The following KANK2 variants were observed in gnomAD, a reference collection of about 807,000 sequenced individuals.
KANK2 encodes KN motif and ankyrin repeat domains 2, also known as KN motif and ankyrin repeat domain-containing protein 2.
Under a neutral mutation model 74.6 loss-of-function variants are expected in KANK2, and 41 were observed. The observed-to-expected ratio is 0.55, with a 90% confidence interval of 0.43 to 0.71. The LOEUF (loss-of-function observed/expected upper bound fraction) is 0.71. Ranked by LOEUF, KANK2 falls within the 30% of genes least tolerant of loss-of-function variation. The pLI is 0.00. For synonymous variants in KANK2, 537 were observed against 519.0 expected, an observed-to-expected ratio of 1.03 and a Z score of -0.47; for missense variants, 1,148 against 1,196.4, an observed-to-expected ratio of 0.96 and a Z score of 0.60.
At chr19:11,174,353 G>A in intron 9 of KANK2, 120 bp downstream of exon 9, 1 of 797,534 alleles carries the variant, frequency 1.3e-6, no homozygotes, top group South Asian at 1.6e-5. Context: ...ATACTGAGAA[G>A]GCCGCGTCTC....
rs375041295 is a variant in KANK2 at position 11,174,700 on chromosome 19, C to G, written c.1849-8G>C. ...TGTGGTGTAGGCCACTTTCTGCATGCGAGTCAGGTGGGAGAGGATGTGAGG... is the reference window on the plus strand; with the variant it reads ...TGTGGTGTAGGCCACTTTCTGCATGGGAGTCAGGTGGGAGAGGATGTGAGG... On this transcript the variant is annotated splice_region_variant and splice_polypyrimidine_tract_variant and intron_variant, in intron 8 of 12. Coordinates refer to ENST00000586659, the MANE Select transcript of KANK2 (RefSeq NM_001136191.3). The G allele has an allele frequency of 6.3e-7, 1 of 1,589,118 alleles. No homozygotes were observed. The highest frequency in any genetic ancestry group is 8.6e-7 in the Non-Finnish European group (1 of 1,167,304).
chr19:11,186,388 A>C (rs1337096344), intron 4 of KANK2, among the ~76,000 whole-genome samples: 1 of 148,708 alleles, frequency 6.7e-6, no homozygotes, highest in African/African-American at 2.6e-5. Context: ...ACTCTGTCTC[A>C]ACAAATAAAA....
In KANK2 at chr19:11,170,517, C is replaced by T. The variant is rs1023429531; in HGVS notation, c.2212-269G>A. ...AGGTTTCCTTTGGGGGTGAAGAGAA[C>T]GTTCTGGAACTAGACGGAGGTGTTG... On this transcript the variant is annotated intron_variant, in intron 10 of 12. Transcript: ENST00000586659. This position sits in a 1 kb window ranked among gnomAD's most constrained non-coding sequence, Gnocchi z 5.2. The T allele has an allele frequency of 4.8e-5, 26 of 536,888 alleles. No homozygotes were observed. The highest frequency in any genetic ancestry group is 7.4e-5 in the Non-Finnish European group (22 of 297,856). The allele number at this position is 536,888 out of a possible 1,614,324, so 33.3% of individuals were successfully genotyped here.
Position 11,193,770 on chromosome 19 carries a change from C to T in KANK2, c.310G>A (p.Gly104Ser), listed in dbSNP as rs147297854. Residue 104 changes from glycine to serine, a missense_variant, in exon 4 of 13, where the codon GGC becomes AGC. Transcript: ENST00000586659. This position sits in a 1 kb window ranked among gnomAD's most constrained non-coding sequence, Gnocchi z 9.6. Reference protein sequence around the residue: ...DSRHSAYSYCGRGFYPQYGAL... With the variant: ...DSRHSAYSYCSRGFYPQYGAL... ...CCATACTGAGGGTAGAAGCCACGGC[C>T]GCAGTAGGAATAGGCTGAGTGGCGG... 56 of 1,612,620 alleles carry T rather than the reference C, an allele frequency of 3.5e-5. No individual in the cohort carries two copies. Among genetic ancestry groups the T allele is most frequent in the Non-Finnish European group, 4.3e-5 (51 of 1,179,728 alleles).
rs536578970 is a variant in KANK2 at position 11,176,327 on chromosome 19, G to A, written c.1760+251C>T. On this transcript the variant is annotated intron_variant, in intron 7 of 12. Transcript: ENST00000586659. ...AGAGGAAACGTCCCAAAGTAGGTGG[G>A]TGATTTTGGGATAAACTTTGGCTGG... Among the ~76,000 whole-genome samples the A allele has an allele frequency of 4.6e-5, 7 of 152,314 alleles. No homozygotes were observed. In the East Asian group the frequency reaches 1.2e-3, roughly 25 times the overall value.
In KANK2 at chr19:11,193,575, G is replaced by C. The variant is rs1305790537; in HGVS notation, c.505C>G (p.Pro169Ala). The C allele has an allele frequency of 5.7e-6, 9 of 1,588,994 alleles. No homozygotes were observed. Among genetic ancestry groups the C allele is most frequent in the Non-Finnish European group, 7.7e-6 (9 of 1,169,360 alleles). ...GGTGTGGACAGTCCTGAACTCCGTGGTGTCGGGGGTGGCAACCCCACGCCC... is the reference window on the plus strand; with the variant it reads ...GGTGTGGACAGTCCTGAACTCCGTGCTGTCGGGGGTGGCAACCCCACGCCC... The part of the protein sequence containing the change: ...LVGVGLPPPT[P>A]RSSGLSTPVP... The change falls in exon 4 of 13, where the codon CCA becomes GCA. Residue 169 changes from proline (P) to alanine (A), a missense_variant. By Grantham distance (27) the Pro-to-Ala change is conservative. Transcript: ENST00000586659. This position sits in a 1 kb window ranked among gnomAD's most constrained non-coding sequence, Gnocchi z 9.6.
Position 11,170,066 on chromosome 19 carries a change from G to A in KANK2, c.2394C>T (p.Asp798=). 1 of 1,613,714 alleles carries A rather than the reference G, an allele frequency of 6.2e-7. No individual in the cohort carries two copies. The highest frequency in any genetic ancestry group is 1.1e-5 in the South Asian group (1 of 91,086). The stretch of plus-strand genomic sequence containing the variant: ...GACTCACGCGATCTGTGAGTGAGAT[G>A]TCACAGCTGGGCACGGCCAGCAGCA... The part of the protein sequence containing the change: ...AGLLLAVPSC[D]ISLTDRDGST... Residue 798 remains aspartate (D), a synonymous_variant, in exon 11 of 13, where the codon GAC becomes GAT. Coordinates refer to ENST00000586659, the MANE Select transcript of KANK2 (RefSeq NM_001136191.3). This position sits in a 1 kb window ranked among gnomAD's most constrained non-coding sequence, Gnocchi z 5.2.
intron 4 of KANK2, among the ~76,000 whole-genome samples, chr19:11,182,533 AAAAAC>A (rs2078552146): frequency 1.4e-5 from 2 of 147,150 alleles, no homozygotes; most frequent in African/African-American, 5.0e-5. Flanking sequence ...CTTTAAAAAA[AAAAAC>A]AAAAAAACAA....
chr19:11,193,571 C>G lies in KANK2; in HGVS notation c.509G>C (p.Arg170Pro). Residue 170 changes from arginine to proline, a missense_variant, in exon 4 of 13, where the codon CGG becomes CCG. Physicochemically the swap from Arg to Pro is moderately radical, Grantham distance 103 (BLOSUM62 -2). Coordinates refer to ENST00000586659, the MANE Select transcript of KANK2 (RefSeq NM_001136191.3). The surrounding 1 kb of genome is among the most constrained non-coding windows in gnomAD (Gnocchi z 9.6). ...CACCGGTGTGGACAGTCCTGAACTC[C>G]GTGGTGTCGGGGGTGGCAACCCCAC... ...VGVGLPPPTP[R>P]SSGLSTPVPP... 1.3e-6 allele frequency: 2 copies of G among 1,591,254 alleles called. No homozygotes were observed. The highest frequency in any genetic ancestry group is 3.4e-5 in the Admixed American group (2 of 58,942).
intron 2 of KANK2, 72 bp from the exon 3 acceptor site, chr19:11,194,662 C>T: frequency 1.6e-6 from 1 of 624,176 alleles, no homozygotes; most frequent in Non-Finnish European, 2.9e-6. Flanking sequence ...GGCCAGCCCC[C>T]TCCACAGCTG....
At position 11,164,295 on chromosome 19, in the gene KANK2, ATTTG is replaced by A. The variant is rs2077970775; in HGVS notation, c.*2259_*2262del. Reference sequence around the variant, plus strand: ...TCAACATTATTGGTAGCTTTATTAAATTTGTTTACCTTCTAAAAAAAACGATTAC... The same window carrying A: ...TCAACATTATTGGTAGCTTTATTAAATTTACCTTCTAAAAAAAACGATTAC... On this transcript the variant is annotated 3_prime_UTR_variant, in exon 13 of 13. Coordinates refer to ENST00000586659, the MANE Select transcript of KANK2 (RefSeq NM_001136191.3). 6.6e-6 allele frequency: 1 copy of A among 152,178 alleles called. No homozygotes were observed. The highest frequency in any genetic ancestry group is 2.1e-4 in the South Asian group (1 of 4,828). The allele number at this position is 152,178 out of a possible 1,614,324, so 9.4% of individuals were successfully genotyped here.
rs1568653664 is a variant in KANK2 at position 11,192,922 on chromosome 19, C to A, written c.1158G>T (p.Glu386Asp). The A allele has an allele frequency of 2.5e-6, 4 of 1,614,148 alleles. No homozygotes were observed. The highest frequency in any genetic ancestry group is 3.4e-6 in the Non-Finnish European group (4 of 1,180,018). Residue 386 changes from glutamate to aspartate, a missense_variant, in exon 4 of 13, where the codon GAG becomes GAT. By Grantham distance (45) the Glu-to-Asp change is conservative. Coordinates refer to ENST00000586659, the MANE Select transcript of KANK2 (RefSeq NM_001136191.3). The stretch of plus-strand genomic sequence containing the variant: ...CTGCAGCGGGCACTGGGCACATTGT[C>A]TCCACCACCTCCTGGCTGCGGAACA... ...PPVFRSQEVV[E>D]TMCPVPAAAT...
chr19:11,174,433 G>A (rs1342327882), intron 9 of KANK2, 40 bp downstream of exon 9: 1 of 1,507,382 alleles, frequency 6.6e-7, no homozygotes, highest in African/African-American at 1.4e-5. Flanking sequence ...GCGGACAGCT[G>A]GCTGGTTTAG....
intron 4 of KANK2, among the ~76,000 whole-genome samples, chr19:11,185,134 G>C (rs999484151): frequency 2.7e-5 from 4 of 148,634 alleles, no homozygotes; most frequent in African/African-American, 9.9e-5. Context: ...CAAAATCCTG[G>C]GCTTGCCGGG....
intron 8 of KANK2, among the ~76,000 whole-genome samples, chr19:11,175,523 C>T (rs904593601): frequency 4.0e-5 from 6 of 150,854 alleles, no homozygotes; most frequent in African/African-American, 1.2e-4. Context: ...TGGCCTCAAG[C>T]GATCCTCCTG....
chr19:11,175,943 T>C lies in KANK2; in HGVS notation c.1807A>G (p.Lys603Glu), dbSNP rs2078323675. 1.9e-6 allele frequency: 3 copies of C among 1,613,802 alleles called. No homozygotes were observed. Among genetic ancestry groups the C allele is most frequent in the Non-Finnish European group, 2.5e-6 (3 of 1,179,912 alleles). ...AGGGCGTTGGGATTGTCCAGGTACT[T>C]TTCCAGGGCCAAGCAGGCTGAGATG... ...DLISACLALE[K>E]YLDNPNALTE... is the part of the protein sequence containing the mutation. Residue 603 changes from lysine (K) to glutamate (E), a missense_variant, in exon 8 of 13, where the codon AAG becomes GAG. Transcript: ENST00000586659.
intron 4 of KANK2, 86 bp downstream of exon 4, chr19:11,192,745 C>T (rs563785366): frequency 3.3e-5 from 51 of 1,522,864 alleles, no homozygotes; most frequent in Admixed American, 8.5e-5. Flanking sequence ...TGGACCCTGG[C>T]GTTCTGAGAG....
At chr19:11,173,154 G>C (rs2078227534) in intron 9 of KANK2, 31 bp from the exon 10 acceptor site, 3 of 1,597,250 alleles carry the variant, frequency 1.9e-6, no homozygotes, top group South Asian at 2.2e-5. Context: ...CCTCAGACCA[G>C]GGATCGCTGC....
Position 11,178,738 on chromosome 19 carries a change from G to A in KANK2, c.1250-18C>T. On this transcript the variant is annotated intron_variant, in intron 4 of 12. Coordinates refer to ENST00000586659, the MANE Select transcript of KANK2 (RefSeq NM_001136191.3). Reference sequence around the variant, plus strand: ...TGGGAGGCCTGGAGGGACAGGAAATGAGTGTCTGCTCTTGGTCATAAAAGC... The same window carrying A: ...TGGGAGGCCTGGAGGGACAGGAAATAAGTGTCTGCTCTTGGTCATAAAAGC... 1 of 1,510,132 alleles carries A rather than the reference G, an allele frequency of 6.6e-7. No homozygotes were observed. Among genetic ancestry groups the A allele is most frequent in the Non-Finnish European group, 8.8e-7 (1 of 1,133,622 alleles). The allele number at this position is 1,510,132 out of a possible 1,614,324, so 93.5% of individuals were successfully genotyped here.
Sources: gnomAD v4.1 joint callset for allele counts (sites outside exome capture counted in the v4.1 genomes callset) on GRCh38, gnomAD v4.1.1 for gene constraint, Gnocchi (gnomAD v3.1) non-coding constraint, MANE v1.5 for transcripts, NCBI Gene and HGNC (gene_info 2026-07-23, HGNC 2026-07-21) for gene names.